CDC14A: variants seen among roughly 807,000 people sequenced by gnomAD.
The protein encoded by CDC14A is cell division cycle 14A.
CDC14A carries 53 observed loss-of-function variants against 74.4 expected under a neutral mutation model. The observed-to-expected ratio is 0.71, with a 90% CI of 0.57 to 0.89. The LOEUF (loss-of-function observed/expected upper bound fraction) is 0.89, where lower values mean the gene tolerates loss of function less well. Among genes scored for constraint, CDC14A ranks in the 40% least tolerant of loss-of-function variants. The pLI is 0.00. For missense variants in CDC14A, 646 were observed against 713.7 expected, an observed-to-expected ratio of 0.91 and a Z score of 1.08; for synonymous variants, 247 against 258.4, an observed-to-expected ratio of 0.96 and a Z score of 0.43.
intron 4 of CDC14A, among the ~76,000 whole-genome samples, chr1:100,413,183 C>CA (rs929842711): frequency 8.2e-4 from 125 of 152,296 alleles, no homozygotes; most frequent in African/African-American, 2.9e-3. Flanking sequence ...ATCTTTTCTG[C>CA]AAACACCTGA....
chr1:100,388,424 C>CA (rs964399184), intron 3 of CDC14A, among the ~76,000 whole-genome samples: 11 of 152,170 alleles, frequency 7.2e-5, no homozygotes, highest in African/African-American at 2.7e-4. Flanking sequence ...GTGTCAGCAC[C>CA]ATTGGTTGTA....
intron 15 of CDC14A, among the ~76,000 whole-genome samples, chr1:100,515,211 G>T (rs1050526742): frequency 6.6e-6 from 1 of 152,078 alleles, no homozygotes; most frequent in Admixed American, 6.5e-5. Flanking sequence ...CAGAGAGACC[G>T]TCAGCACAAC....
Position 100,499,083 on chromosome 1 carries a change from A to G in CDC14A, c.1576A>G (p.Arg526Gly), listed in dbSNP as rs147649181. Reference protein sequence around the residue: ...LLNGSSQPTTRNYPELNNNQY... With the variant: ...LLNGSSQPTTGNYPELNNNQY... ...GAATGGCAGCTCCCAGCCAACTACC[A>G]GAAATTACCCTGAGCTCAACAATAA... The change falls in exon 15 of 16, where the codon AGA becomes GGA. Residue 526 changes from arginine to glycine, a missense_variant. Transcript: ENST00000336454. The G allele has an allele frequency of 9.3e-6, 15 of 1,614,070 alleles. No individual in the cohort carries two copies. Among genetic ancestry groups the G allele is most frequent in the African/African-American group, 1.3e-5 (1 of 74,936 alleles).
At chr1:100,395,940 G>T (rs1658411140) in intron 4 of CDC14A, among the ~76,000 whole-genome samples, 1 of 152,124 alleles carries the variant, frequency 6.6e-6, no homozygotes, top group African/African-American at 2.4e-5. Context: ...TACTTTCTCA[G>T]AGAGATTTTC....
chr1:100,384,260 T>G (rs1403802218), intron 3 of CDC14A, among the ~76,000 whole-genome samples: 2 of 152,240 alleles, frequency 1.3e-5, no homozygotes, highest in Admixed American at 1.3e-4. Context: ...GATATACACT[T>G]ATGATTTACA....
At chr1:100,393,835 C>T (rs372746760) in intron 4 of CDC14A, 19 of 258,454 alleles carry the variant, frequency 7.4e-5, no homozygotes, top group South Asian at 3.0e-4. Flanking sequence ...CCCAGCTACT[C>T]GGGAGGCTGA....
chr1:100,512,186 G>A lies in CDC14A; in HGVS notation c.1756-6065G>A, dbSNP rs771703191. On this transcript the variant is annotated intron_variant, in intron 15 of 15. Transcript: ENST00000336454. ...TTCCTTTCTCGACTCTCCTAGGAGC[G>A]CTGACACTCTCATATTATAGTCAGT... is the stretch of plus-strand genomic sequence containing the variant. Among the ~76,000 whole-genome samples, 5 of 151,950 alleles carry A rather than the reference G, an allele frequency of 3.3e-5. No individual in the cohort carries two copies. The South Asian group carries it at 8.3e-4, about 25-fold the overall frequency.
At chr1:100,467,406 C>T (rs78501063) in intron 9 of CDC14A, among the ~76,000 whole-genome samples, 2,419 of 149,874 alleles carry the variant, frequency 0.016, 33 homozygotes, top group Non-Finnish European at 0.026. Flanking sequence ...TACACACGCG[C>T]GCACACACAC....
chr1:100,443,268 G>A (rs1313860630), intron 7 of CDC14A, among the ~76,000 whole-genome samples: 4 of 151,918 alleles, frequency 2.6e-5, no homozygotes, highest in African/African-American at 7.3e-5. Flanking sequence ...ATCTAGTAGG[G>A]TAGTAAAATT....
intron 5 of CDC14A, among the ~76,000 whole-genome samples, chr1:100,434,387 C>T (rs1321936519): frequency 6.6e-6 from 1 of 152,178 alleles, no homozygotes; most frequent in South Asian, 2.1e-4. Flanking sequence ...CAGATACCCC[C>T]AGGCCTTGTG....
Position 100,498,197 on chromosome 1 carries a change from A to C in CDC14A, c.1411A>C (p.Thr471Pro). The change falls in exon 14 of 16, where the codon ACT becomes CCT. Residue 471 changes from threonine to proline, a missense_variant. Transcript: ENST00000336454. ...CAGAACTTCTTTGTCTTCGGGTGCC[A>C]CTGTAAGAAGGTAATTTTTCTCTCC... ...INRTSLSSGA[T>P]VRSFSINSRL... The C allele has an allele frequency of 6.2e-7, 1 of 1,613,864 alleles. No individual in the cohort carries two copies. The highest frequency in any genetic ancestry group is 8.5e-7 in the Non-Finnish European group (1 of 1,179,892).
intron 3 of CDC14A, among the ~76,000 whole-genome samples, chr1:100,389,011 C>T (rs900271778): frequency 2.0e-5 from 3 of 151,698 alleles, no homozygotes; most frequent in African/African-American, 4.8e-5. Flanking sequence ...CTCACCTCTA[C>T]GAAAAATACA....
intron 5 of CDC14A, among the ~76,000 whole-genome samples, chr1:100,433,982 T>C (rs114517770): frequency 1.6e-4 from 25 of 152,354 alleles, no homozygotes; most frequent in African/African-American, 6.0e-4. Context: ...TAATTGTGGA[T>C]GTTGATTCTA....
intron 7 of CDC14A, among the ~76,000 whole-genome samples, chr1:100,449,741 AC>A (rs576098226): frequency 2.5e-4 from 38 of 152,330 alleles, no homozygotes; most frequent in Admixed American, 6.5e-4. Context: ...TAAGTAACCT[AC>A]TAGCACAGTA....
At position 100,449,078 on chromosome 1, in the gene CDC14A, C is replaced by A. The variant is rs114160881; in HGVS notation, c.519+6082C>A. 3.4e-3 allele frequency among the ~76,000 whole-genome samples: 525 copies of A among 152,314 alleles called. 6 individuals carry two copies. Among genetic ancestry groups the A allele is most frequent in the African/African-American group, 0.012 (497 of 41,562 alleles). On this transcript the variant is annotated intron_variant, in intron 7 of 15. Coordinates refer to ENST00000336454, the MANE Select transcript of CDC14A (RefSeq NM_003672.4). Reference sequence around the variant, plus strand: ...CTATTTTGTTCCTGAGATATTCAAGCAATTCACAGGTTATCATTATTGCTA... The same window carrying A: ...CTATTTTGTTCCTGAGATATTCAAGAAATTCACAGGTTATCATTATTGCTA...
At chr1:100,455,596 G>A in intron 8 of CDC14A, 104 bp downstream of exon 8, 4 of 708,434 alleles carry the variant, frequency 5.6e-6, no homozygotes, top group South Asian at 5.5e-5. Context: ...ATTCTCCAAA[G>A]AATATTTATT....
chr1:100,463,776 A>G (rs28364888), intron 9 of CDC14A, among the ~76,000 whole-genome samples: 2 of 152,142 alleles, frequency 1.3e-5, no homozygotes, highest in Admixed American at 6.5e-5. Flanking sequence ...ATCTTTCGGT[A>G]TGGATAATAC....
intron 8 of CDC14A, among the ~76,000 whole-genome samples, chr1:100,459,385 T>C (rs191232125): frequency 1.3e-5 from 2 of 152,340 alleles, no homozygotes; most frequent in East Asian, 3.9e-4. Context: ...AGAGATGTTA[T>C]GTGAAGTGCC....
At chr1:100,412,930 G>A (rs1237359280) in intron 4 of CDC14A, among the ~76,000 whole-genome samples, 2 of 150,290 alleles carry the variant, frequency 1.3e-5, no homozygotes, top group African/African-American at 4.9e-5. Flanking sequence ...ATTTAAGAAC[G>A]ATTAATTCTG....
Sources: gnomAD v4.1 joint callset for allele counts (sites outside exome capture counted in the v4.1 genomes callset) on GRCh38, gnomAD v4.1.1 for gene constraint, MANE v1.5 for transcripts, NCBI Gene and HGNC (gene_info 2026-07-23, HGNC 2026-07-21) for gene names.